The following KAT7 variants were observed in gnomAD, a reference collection of about 807,000 sequenced individuals.
The protein encoded by KAT7 is lysine acetyltransferase 7, also known as histone acetyltransferase KAT7.
Under a neutral mutation model 82.1 loss-of-function variants are expected in KAT7, and 10 were observed. The ratio of observed to expected loss-of-function variants is 0.12; its 90% CI spans 0.08 to 0.21. KAT7 has a LOEUF of 0.21. KAT7 is among the 10% of genes least tolerant of loss of function. The pLI is 1.00. For missense variants in KAT7, 378 were observed against 760.9 expected (o/e 0.50, Z 5.92); for synonymous variants, 250 against 262.5 (o/e 0.95, Z 0.46).
chr17:49,819,763 G>C (rs2074279169), intron 9 of KAT7, among the ~76,000 whole-genome samples: 1 of 152,100 alleles, frequency 6.6e-6, no homozygotes, highest in South Asian at 2.1e-4. Context: ...TTCTGTTTCT[G>C]AACAAATAAT....
intron 4 of KAT7, among the ~76,000 whole-genome samples, chr17:49,801,583 A>G (rs768070267): frequency 6.6e-6 from 1 of 152,094 alleles, no homozygotes; most frequent in Non-Finnish European, 1.5e-5. Flanking sequence ...TCCACCTCCC[A>G]GGCTTAATTG....
Position 49,796,761 on chromosome 17 carries a change from G to A in KAT7, c.175G>A (p.Val59Ile). The A allele has an allele frequency of 1.2e-6, 2 of 1,605,456 alleles. No homozygotes were observed. Among genetic ancestry groups the A allele is most frequent in the Non-Finnish European group, 1.7e-6 (2 of 1,174,922 alleles). Residue 59 changes from valine to isoleucine, a missense_variant, in exon 3 of 15, where the codon GTT (valine) becomes ATT (isoleucine). Val to Ile is a conservative substitution (Grantham distance 29). This residue lies in a region of KAT7 where 161 missense variants were observed against 229.6 expected (regional missense o/e 0.70). Coordinates refer to ENST00000259021, the MANE Select transcript of KAT7 (RefSeq NM_007067.5). ...AAAATTGGGATCAGATTCCAGTCCTGTTCGAAATCTGCAGTCTTTTGGCAC... is the reference window on the plus strand; with the variant it reads ...AAAATTGGGATCAGATTCCAGTCCTATTCGAAATCTGCAGTCTTTTGGCAC... The part of the protein sequence containing the change: ...LSQSSQDSSP[V>I]RNLQSFGTEE...
At chr17:49,821,606 A>T in intron 10 of KAT7, 44 bp from the exon 11 acceptor site, 1 of 1,609,764 alleles carries the variant, frequency 6.2e-7, no homozygotes, top group Non-Finnish European at 8.5e-7. Context: ...TTATCTGTTT[A>T]GGAATCAGTG....
At chr17:49,810,492 A>T (rs1371620552) in intron 6 of KAT7, among the ~76,000 whole-genome samples, 1 of 152,176 alleles carries the variant, frequency 6.6e-6, no homozygotes. Flanking sequence ...CCTGACCTCC[A>T]GTAATCCACC....
rs1394346430 is a variant in KAT7, at chr17:49,833,002, G to A, written c.*5500G>A. On this transcript the variant is annotated 3_prime_UTR_variant, in exon 15 of 15. Coordinates refer to ENST00000259021, the MANE Select transcript of KAT7 (RefSeq NM_007067.5). ...AGTTTAATAGCCTTCTTCCTGTGTG[G>A]TATCTGCAACAAAATCCCAATGAAT... is the stretch of plus-strand genomic sequence containing the variant. 1 of 152,110 alleles carries A rather than the reference G, an allele frequency of 6.6e-6. No individual in the cohort carries two copies. Among genetic ancestry groups the A allele is most frequent in the Non-Finnish European group, 1.5e-5 (1 of 68,024 alleles). The allele number at this position is 152,110 out of a possible 1,614,324, so 9.4% of individuals were successfully genotyped here. A position where few individuals can be genotyped will look rare whatever the true frequency, so the allele number is the denominator to read the frequency against.
At chr17:49,803,977 A>G (rs951189724) in intron 4 of KAT7, among the ~76,000 whole-genome samples, 8 of 150,852 alleles carry the variant, frequency 5.3e-5, no homozygotes, top group Non-Finnish European at 7.4e-5. Context: ...GCATTGTCCT[A>G]TGACCCCTTT....
intron 8 of KAT7, 138 bp downstream of exon 8, chr17:49,816,051 C>T (rs1382283295): frequency 3.2e-5 from 19 of 599,054 alleles, no homozygotes; most frequent in Non-Finnish European, 5.4e-5. Context: ...CCCAGCTGTC[C>T]CTTTTTGGAG....
chr17:49,821,978 A>G (rs2074309480), intron 11 of KAT7, among the ~76,000 whole-genome samples, 188 bp downstream of exon 11: 1 of 151,780 alleles, frequency 6.6e-6, no homozygotes, highest in African/African-American at 2.4e-5. Flanking sequence ...TGCAGTTTTT[A>G]TTAAAAGCTT....
At chr17:49,795,324 T>A (rs1339706675) in intron 2 of KAT7, 1 of 173,786 alleles carries the variant, frequency 5.8e-6, no homozygotes, top group Non-Finnish European at 1.3e-5. Context: ...ACGGAGGGAA[T>A]TGAGCCAGCA....
At chr17:49,811,108 C>CT (rs1210334611) in intron 6 of KAT7, among the ~76,000 whole-genome samples, 133 of 143,418 alleles carry the variant, frequency 9.3e-4, no homozygotes, top group Middle Eastern at 3.7e-3. Flanking sequence ...TTGGTACCTT[C>CT]TTTTTTTTTT....
At chr17:49,819,210 T>C (rs539338100) in intron 9 of KAT7, among the ~76,000 whole-genome samples, 1 of 152,238 alleles carries the variant, frequency 6.6e-6, no homozygotes, top group East Asian at 1.9e-4. Context: ...GATAACTGCT[T>C]TTTTATGTTC....
chr17:49,823,413 A>G, intron 12 of KAT7, 118 bp downstream of exon 12: 1 of 653,672 alleles, frequency 1.5e-6, no homozygotes. Context: ...ATGGATATTT[A>G]GTAAATGAAT....
Position 49,796,892 on chromosome 17 carries a change from A to G in KAT7, c.306A>G (p.Ser102=). 1 of 1,614,198 alleles carries G rather than the reference A, an allele frequency of 6.2e-7. No homozygotes were observed. The change falls in exon 3 of 15, where the codon TCA becomes TCG. Residue 102 remains serine (S), a synonymous_variant. Transcript: ENST00000259021. ...YPLRQTRSSG[S]ETEQVVDFSD... is the part of the protein sequence containing the mutation. ...TTCGGCAGACTCGTTCATCTGGTTC[A>G]GAAACTGAGCAAGTGGTTGATTTTT...
At chr17:49,797,299 G>A (rs757537872) in intron 3 of KAT7, among the ~76,000 whole-genome samples, 3 of 152,026 alleles carry the variant, frequency 2.0e-5, no homozygotes, top group Non-Finnish European at 2.9e-5. Context: ...TCCTGACCTC[G>A]TGATCCACCC....
In KAT7 at chr17:49,827,479, T is replaced by G; in HGVS notation, c.1813T>G (p.Trp605Gly). 6.2e-7 allele frequency: 1 copy of G among 1,613,024 alleles called. No individual in the cohort carries two copies. The highest frequency in any genetic ancestry group is 8.5e-7 in the Non-Finnish European group (1 of 1,179,050). Residue 605 changes from tryptophan (W) to glycine (G), a missense_variant, in exon 15 of 15, where the codon TGG becomes GGG. By Grantham distance (184) the Trp-to-Gly change is radical. Transcript: ENST00000259021. Reference sequence around the variant, plus strand: ...AACCATGGATCCCAGCTGCTTAAAATGGACCCCTCCCAAGGGCACTTAAAG... The same window carrying G: ...AACCATGGATCCCAGCTGCTTAAAAGGGACCCCTCCCAAGGGCACTTAAAG... ...NKTMDPSCLK[W>G]TPPKGT is the part of the protein sequence containing the mutation.
rs1176226097 is a variant in KAT7 at position 49,833,315 on chromosome 17, G to C, written c.*5813G>C. On this transcript the variant is annotated 3_prime_UTR_variant, in exon 15 of 15. Transcript: ENST00000259021. ...AGAAACCAGTCTTTGTTCTTAATTG[G>C]ACATTTGTTTCTGCAAACAGCTTAC... The C allele has an allele frequency of 6.6e-6, 1 of 152,098 alleles. No homozygotes were observed. Among genetic ancestry groups the C allele is most frequent in the Non-Finnish European group, 1.5e-5 (1 of 68,016 alleles). 9.4% of individuals were successfully genotyped at this position (152,098 alleles called of 1,614,324 possible). A position where few individuals can be genotyped will look rare whatever the true frequency, so the allele number is the denominator to read the frequency against.
At position 49,788,804 on chromosome 17, in the gene KAT7, A is replaced by C. The variant is rs1482281838; in HGVS notation, c.-31A>C. The C allele has an allele frequency of 5.1e-6, 8 of 1,580,088 alleles. No individual in the cohort carries two copies. Among genetic ancestry groups the C allele is most frequent in the Non-Finnish European group, 6.9e-6 (8 of 1,163,138 alleles). ...TTCCTGCTGCTGCCGCCGCTGCCCG[A>C]ATCGGAACCGTCGGGCCGCAGCCGC... On this transcript the variant is annotated 5_prime_UTR_variant, in exon 1 of 15. Coordinates refer to ENST00000259021, the MANE Select transcript of KAT7 (RefSeq NM_007067.5).
At position 49,823,203 on chromosome 17, in the gene KAT7, A is replaced by G. The variant is rs1264861389; in HGVS notation, c.1388A>G (p.Glu463Gly). 1 of 1,566,212 alleles carries G rather than the reference A, an allele frequency of 6.4e-7. No individual in the cohort carries two copies. Among genetic ancestry groups the G allele is most frequent in the Admixed American group, 1.7e-5 (1 of 59,910 alleles). The change falls in exon 12 of 15, where the codon GAA becomes GGA. Residue 463 changes from glutamate to glycine, a missense_variant and splice_region_variant. Glu to Gly is a moderately conservative substitution (Grantham distance 98). Around this residue, in one of 6 missense-constraint regions of KAT7, gnomAD observed 20 missense variants for 142.4 expected, o/e 0.14. Coordinates refer to ENST00000259021, the MANE Select transcript of KAT7 (RefSeq NM_007067.5). ...GCHLIGYFSK[E>G]KNSFLNYNVS... Reference sequence around the variant, plus strand: ...TCATCTGTTTGCTCTTGATTTTAGGAAAAGAATTCATTCCTCAACTACAAC... The same window carrying G: ...TCATCTGTTTGCTCTTGATTTTAGGGAAAGAATTCATTCCTCAACTACAAC...
chr17:49,822,051 C>A (rs1340003835), intron 11 of KAT7, among the ~76,000 whole-genome samples: 1 of 152,160 alleles, frequency 6.6e-6, no homozygotes, highest in Non-Finnish European at 1.5e-5. Flanking sequence ...CCAGAGCCCT[C>A]CCTAGTAACT....
Sources: allele counts gnomAD v4.1 joint callset (sites outside exome capture counted in the v4.1 genomes callset), GRCh38; gene constraint gnomAD v4.1.1; regional missense constraint gnomAD v4.1.1; transcripts MANE v1.5; gene names NCBI Gene and HGNC (gene_info 2026-07-23, HGNC 2026-07-21).